The following DEPDC1 variants were observed in gnomAD, a reference collection of about 807,000 sequenced individuals.
DEPDC1 encodes the protein DEP domain-containing protein 1A.
DEPDC1 carries 66 observed loss-of-function variants against 86.8 expected under a neutral mutation model. That is an observed-to-expected ratio of 0.76 (90% CI 0.62 to 0.93). DEPDC1 has a LOEUF of 0.93. Ranked by LOEUF, DEPDC1 falls within the 40% of genes least tolerant of loss-of-function variation. DEPDC1 has a pLI of 0.00. For missense variants in DEPDC1, 792 were observed against 935.7 expected, an observed-to-expected ratio of 0.85 and a Z score of 2.00; for synonymous variants, 255 against 314.9, an observed-to-expected ratio of 0.81 and a Z score of 2.02.
chr1:68,488,699 A>G (rs1187574874), intron 4 of DEPDC1, among the ~76,000 whole-genome samples, 195 bp from the exon 5 acceptor site: 1 of 151,800 alleles, frequency 6.6e-6, no homozygotes, highest in African/African-American at 2.4e-5. Flanking sequence ...AACTATGGCC[A>G]TAATGTTGAT....
intron 6 of DEPDC1, among the ~76,000 whole-genome samples, chr1:68,485,303 C>T (rs4926343): frequency 0.47 from 71,361 of 151,322 alleles, 17,982 homozygotes; most frequent in Middle Eastern, 0.76. Context: ...TACATGTTTA[C>T]AGGAATTAAA....
At position 68,494,481 on chromosome 1, in the gene DEPDC1, A is replaced by G; in HGVS notation, c.263T>C (p.Ile88Thr). The change falls in exon 2 of 12, where the codon ATC becomes ACC. Residue 88 changes from isoleucine to threonine, a missense_variant. Transcript: ENST00000456315. Reference sequence around the variant, plus strand: ...ATTTTCTGATCCCCACCTCCCTTTGATATCTTCAATTACATGATTCTTAAG... The same window carrying G: ...ATTTTCTGATCCCCACCTCCCTTTGGTATCTTCAATTACATGATTCTTAAG... ...KFLKNHVIED[I>T]KGRWGSENVD... is the part of the protein sequence containing the mutation. The G allele has an allele frequency of 2.5e-6, 4 of 1,613,702 alleles. No individual in the cohort carries two copies. Among genetic ancestry groups the G allele is most frequent in the Non-Finnish European group, 3.4e-6 (4 of 1,179,738 alleles).
rs187924909 is a variant in DEPDC1, at chr1:68,490,331, T to C, written c.315-723A>G. 2.0e-3 allele frequency among the ~76,000 whole-genome samples: 308 copies of C among 152,294 alleles called. 2 individuals are homozygous for C. Among genetic ancestry groups the C allele is most frequent in the Middle Eastern group, 0.01 (3 of 294 alleles). Reference sequence around the variant, plus strand: ...TTCCCCTCTATGTGTCCATGTGTTCTCATCAGTTAGCTCCCACTTGTAAGT... The same window carrying C: ...TTCCCCTCTATGTGTCCATGTGTTCCCATCAGTTAGCTCCCACTTGTAAGT... On this transcript the variant is annotated intron_variant, in intron 2 of 11. Transcript: ENST00000456315.
In DEPDC1 at chr1:68,494,783, T is replaced by A. The variant is rs780026657; in HGVS notation, c.49-88A>T. The A allele has an allele frequency of 2.9e-6, 3 of 1,031,706 alleles. No homozygotes were observed. The East Asian group carries it at 7.8e-5, about 27-fold the overall frequency. The allele number at this position is 1,031,706 out of a possible 1,614,324, so 63.9% of individuals were successfully genotyped here. The stretch of plus-strand genomic sequence containing the variant: ...AAGTACATTAGGTAAAGAAAATTCT[T>A]TAATTCACATCTGATTATATCATAA... On this transcript the variant is annotated intron_variant, in intron 1 of 11. Transcript: ENST00000456315.
At chr1:68,479,000 G>A (rs1646135732) in intron 10 of DEPDC1, 144 bp downstream of exon 10, 1 of 631,828 alleles carries the variant, frequency 1.6e-6, no homozygotes, top group Admixed American at 3.1e-5. Context: ...AGCTATTTGA[G>A]TCCCAGATTC....
chr1:68,476,850 T>C lies in DEPDC1; in HGVS notation c.*82A>G, dbSNP rs1245322774. On this transcript the variant is annotated 3_prime_UTR_variant, in exon 12 of 12. Coordinates refer to ENST00000456315, the MANE Select transcript of DEPDC1 (RefSeq NM_001114120.3). ...TAGAAATACCTTATTAATGACAGAC[T>C]TCCTTTTGAGTAGCTACATTCTCAG... 8.2e-7 allele frequency: 1 copy of C among 1,223,378 alleles called. No homozygotes were observed. The allele number at this position is 1,223,378 out of a possible 1,614,324, so 75.8% of individuals were successfully genotyped here.
rs943285664 is a variant in DEPDC1 at position 68,496,618 on chromosome 1, G to A, written c.48+334C>T. On this transcript the variant is annotated intron_variant, in intron 1 of 11. Transcript: ENST00000456315. This position sits in a 1 kb window ranked among gnomAD's most constrained non-coding sequence, Gnocchi z 4.0. ...TTCTGAGGCGGGTAGAAAATCAGGCGAGGTGAGCGGCCAAATCGGAATATT... is the reference window on the plus strand; with the variant it reads ...TTCTGAGGCGGGTAGAAAATCAGGCAAGGTGAGCGGCCAAATCGGAATATT... The A allele has an allele frequency of 3.5e-6, 1 of 282,068 alleles. No homozygotes were observed. Among genetic ancestry groups the A allele is most frequent in the Non-Finnish European group, 6.6e-6 (1 of 151,866 alleles). The allele number at this position is 282,068 out of a possible 1,614,324, so 17.5% of individuals were successfully genotyped here. A position where few individuals can be genotyped will look rare whatever the true frequency, so the allele number is the denominator to read the frequency against.
At chr1:68,489,102 A>G (rs550538225) in intron 3 of DEPDC1, 68 bp from the exon 4 acceptor site, 1 of 937,472 alleles carries the variant, frequency 1.1e-6, no homozygotes, top group African/African-American at 1.6e-5. Context: ...AGCAACAATA[A>G]TTCTATTACT....
rs1445772416 is a variant in DEPDC1, at chr1:68,489,042, A to T, written c.472-8T>A. The T allele has an allele frequency of 6.4e-7, 1 of 1,573,722 alleles. No individual in the cohort carries two copies. Among genetic ancestry groups the T allele is most frequent in the South Asian group, 1.1e-5 (1 of 89,778 alleles). On this transcript the variant is annotated splice_region_variant and splice_polypyrimidine_tract_variant and intron_variant, in intron 3 of 11. Transcript: ENST00000456315. ...TATTTTCTCGCCATTTTCCTGAAAA[A>T]AGGATTATTTTGGTTTAATCTGTTA...
chr1:68,494,871 G>A (rs969216415), intron 1 of DEPDC1, among the ~76,000 whole-genome samples, 176 bp from the exon 2 acceptor site: 2 of 152,006 alleles, frequency 1.3e-5, no homozygotes, highest in African/African-American at 2.4e-5. Flanking sequence ...GGCCGGGCAC[G>A]GTGGCTCATG....
chr1:68,479,449 G>A, intron 9 of DEPDC1, 129 bp from the exon 10 acceptor site: 3 of 615,488 alleles, frequency 4.9e-6, no homozygotes, highest in Non-Finnish European at 8.2e-6. Context: ...GTTTAAAAAT[G>A]AGGACAACGA....
At chr1:68,487,570 T>C (rs1297846880) in intron 5 of DEPDC1, among the ~76,000 whole-genome samples, 1 of 151,942 alleles carries the variant, frequency 6.6e-6, no homozygotes, top group Non-Finnish European at 1.5e-5. Context: ...TTATTTTAGG[T>C]AATGGAAGAA....
intron 2 of DEPDC1, 61 bp from the exon 3 acceptor site, chr1:68,489,669 A>T: frequency 7.4e-6 from 9 of 1,209,544 alleles, no homozygotes; most frequent in Non-Finnish European, 1.0e-5. Flanking sequence ...TTTAGAGCCT[A>T]TTTTTTTTTT....
chr1:68,483,081 C>A (rs1032601276), intron 7 of DEPDC1, 184 bp from the exon 8 acceptor site: 1 of 623,042 alleles, frequency 1.6e-6, no homozygotes, highest in Non-Finnish European at 2.7e-6. Context: ...CGGTTACAAA[C>A]GTGCAAGACA....
chr1:68,483,093 A>T, intron 7 of DEPDC1, 196 bp from the exon 8 acceptor site: 1 of 607,900 alleles, frequency 1.6e-6, no homozygotes, highest in Non-Finnish European at 2.8e-6. Context: ...TGCAAGACAG[A>T]TGAGTGGTTT....
chr1:68,494,708 G>A lies in DEPDC1; in HGVS notation c.49-13C>T, dbSNP rs747358763. 1.3e-5 allele frequency: 21 copies of A among 1,583,316 alleles called. No individual in the cohort carries two copies. The highest frequency in any genetic ancestry group is 1.7e-5 in the Non-Finnish European group (20 of 1,165,198). On this transcript the variant is annotated splice_polypyrimidine_tract_variant and intron_variant, in intron 1 of 11. Transcript: ENST00000456315. The stretch of plus-strand genomic sequence containing the variant: ...TAACTTCATTCCACTGTAAAAAGAA[G>A]GAAAATATTTTTAAAAAATTGAAGA...
chr1:68,475,514 T>C lies in DEPDC1; in HGVS notation c.*1418A>G, dbSNP rs1023942546. ...CCAGGTTTTTAATAAAAATCAGTAATGTTAAATGGAATACTATCATTTTAT... is the reference window on the plus strand; with the variant it reads ...CCAGGTTTTTAATAAAAATCAGTAACGTTAAATGGAATACTATCATTTTAT... On this transcript the variant is annotated 3_prime_UTR_variant, in exon 12 of 12. Coordinates refer to ENST00000456315, the MANE Select transcript of DEPDC1 (RefSeq NM_001114120.3). 1.3e-5 allele frequency: 2 copies of C among 151,870 alleles called. No homozygotes were observed. Among genetic ancestry groups the C allele is most frequent in the African/African-American group, 4.8e-5 (2 of 41,422 alleles). 9.4% of individuals were successfully genotyped at this position (151,870 alleles called of 1,614,324 possible).
At chr1:68,486,733 C>T (rs758850674) in intron 6 of DEPDC1, among the ~76,000 whole-genome samples, 1 of 151,688 alleles carries the variant, frequency 6.6e-6, no homozygotes, top group East Asian at 1.9e-4. Flanking sequence ...ATTAAAAAAT[C>T]GCCACCTTTC....
At chr1:68,477,738 A>G in intron 11 of DEPDC1, 49 bp downstream of exon 11, 1 of 1,192,388 alleles carries the variant, frequency 8.4e-7, no homozygotes, top group Non-Finnish European at 1.1e-6. Flanking sequence ...AACCAGGAAC[A>G]GCACATTAGA....
Sources: allele counts gnomAD v4.1 joint callset (sites outside exome capture counted in the v4.1 genomes callset), GRCh38; gene constraint gnomAD v4.1.1; non-coding constraint Gnocchi (gnomAD v3.1); transcripts MANE v1.5; gene names NCBI Gene and HGNC (gene_info 2026-07-23, HGNC 2026-07-21).